Variants in ZNF385B observed in about 807,000 individuals in gnomAD.
ZNF385B encodes the protein zinc finger protein 385B.
In ZNF385B, 23 loss-of-function variants were observed where a neutral mutation model predicts 39.2. That is an observed-to-expected ratio of 0.59 (90% confidence interval 0.42 to 0.83). The LOEUF is 0.83. Ranked by LOEUF, ZNF385B falls within the 40% of genes least tolerant of loss-of-function variation. ZNF385B has a pLI of 0.00. For synonymous variants in ZNF385B, 205 were observed against 222.6 expected, an observed-to-expected ratio of 0.92 and a Z score of 0.70; for missense variants, 552 against 598.9, an observed-to-expected ratio of 0.92 and a Z score of 0.82.
At chr2:179,674,811 C>G (rs1696523508) in intron 3 of ZNF385B, among the ~76,000 whole-genome samples, 1 of 152,214 alleles carries the variant, frequency 6.6e-6, no homozygotes, top group Admixed American at 6.5e-5. Flanking sequence ...AGAGGGAAAA[C>G]TGAATAGAGG....
intron 5 of ZNF385B, among the ~76,000 whole-genome samples, chr2:179,484,987 T>A (rs1208584003): frequency 3.3e-5 from 5 of 151,966 alleles, no homozygotes; most frequent in African/African-American, 1.2e-4. Flanking sequence ...ATCATCAACA[T>A]GAGGTTAAGG....
intron 1 of ZNF385B, among the ~76,000 whole-genome samples, chr2:179,829,665 C>T (rs1388601130): frequency 6.6e-6 from 1 of 152,176 alleles, no homozygotes; most frequent in Non-Finnish European, 1.5e-5. Flanking sequence ...AGGCGCCCGC[C>T]ACCATGCCCG....
At chr2:179,829,587 C>A (rs1164995461) in intron 1 of ZNF385B, among the ~76,000 whole-genome samples, 1 of 152,054 alleles carries the variant, frequency 6.6e-6, no homozygotes, top group Non-Finnish European at 1.5e-5. Flanking sequence ...TATCTCGGCT[C>A]ACTGCAAGCT....
intron 6 of ZNF385B, among the ~76,000 whole-genome samples, chr2:179,459,347 G>T (rs2051042638): frequency 6.6e-6 from 1 of 152,156 alleles, no homozygotes; most frequent in African/African-American, 2.4e-5. Context: ...AGGCATCTGG[G>T]CTTGGTGGAG....
chr2:179,834,305 T>G (rs2106603339), intron 1 of ZNF385B, among the ~76,000 whole-genome samples: 1 of 152,300 alleles, frequency 6.6e-6, no homozygotes, highest in South Asian at 2.1e-4. Context: ...CAGTGATTAC[T>G]GGTCTTGAGC....
intron 1 of ZNF385B, among the ~76,000 whole-genome samples, chr2:179,806,127 C>A (rs1706334580): frequency 6.6e-6 from 1 of 151,950 alleles, no homozygotes; most frequent in African/African-American, 2.4e-5. Flanking sequence ...ATGCCATAAA[C>A]AATGTTAAAA....
At chr2:179,570,464 A>G (rs540772252) in intron 3 of ZNF385B, among the ~76,000 whole-genome samples, 119 of 152,308 alleles carry the variant, frequency 7.8e-4, no homozygotes, top group African/African-American at 2.8e-3. Context: ...TTAATAGTGA[A>G]AAGACTTTGG....
Position 179,446,562 on chromosome 2 carries a change from A to G in ZNF385B, c.924T>C (p.Ala308=), listed in dbSNP as rs1162209420. 3.1e-6 allele frequency: 5 copies of G among 1,614,122 alleles called. No homozygotes were observed. In the Admixed American group the frequency reaches 8.3e-5, roughly 27 times the overall value. The change falls in exon 7 of 10, where the codon GCT becomes GCC. Residue 308 remains alanine, a synonymous_variant. Coordinates refer to ENST00000410066, the MANE Select transcript of ZNF385B (RefSeq NM_152520.6). Reference sequence around the variant, plus strand: ...CCTCTAGCTGTGACAGGGAGTTCACAGCCACTTTGCATAGTGAACAATAAA... The same window carrying G: ...CCTCTAGCTGTGACAGGGAGTTCACGGCCACTTTGCATAGTGAACAATAAA... The part of the protein sequence containing the change: ...KLLYCSLCKV[A]VNSLSQLEAH...
At chr2:179,786,101 T>C (rs1328941229) in intron 1 of ZNF385B, among the ~76,000 whole-genome samples, 1 of 152,174 alleles carries the variant, frequency 6.6e-6, no homozygotes, top group Admixed American at 6.6e-5. Flanking sequence ...AAAAACATTA[T>C]GACTCACTGA....
intron 6 of ZNF385B, among the ~76,000 whole-genome samples, chr2:179,480,169 T>G (rs967673140): frequency 6.6e-6 from 1 of 152,192 alleles, no homozygotes; most frequent in African/African-American, 2.4e-5. Flanking sequence ...AGATACTACT[T>G]AAGCCCACTT....
At chr2:179,794,354 T>C (rs1286189676) in intron 1 of ZNF385B, among the ~76,000 whole-genome samples, 2 of 152,170 alleles carry the variant, frequency 1.3e-5, no homozygotes, top group East Asian at 1.9e-4. Context: ...GTATATATTG[T>C]AGCTAAATTT....
At chr2:179,652,547 TG>T (rs1693288798) in intron 3 of ZNF385B, among the ~76,000 whole-genome samples, 1 of 152,174 alleles carries the variant, frequency 6.6e-6, no homozygotes, top group Non-Finnish European at 1.5e-5. Context: ...TTGGGTGTTA[TG>T]GTTATTACCA....
intron 1 of ZNF385B, among the ~76,000 whole-genome samples, chr2:179,779,291 G>A (rs1704527962): frequency 6.6e-6 from 1 of 152,236 alleles, no homozygotes. Context: ...CACAGGTCCG[G>A]AAGCAAGACG....
chr2:179,670,020 G>A (rs554169420), intron 3 of ZNF385B, among the ~76,000 whole-genome samples: 9 of 152,160 alleles, frequency 5.9e-5, no homozygotes, highest in Admixed American at 2.0e-4. Flanking sequence ...GGCCGGGCGC[G>A]GTGGCTCACG....
At chr2:179,657,850 A>C (rs1355092211) in intron 3 of ZNF385B, among the ~76,000 whole-genome samples, 1 of 152,216 alleles carries the variant, frequency 6.6e-6, no homozygotes, top group East Asian at 1.9e-4. Context: ...ATTTACAAAG[A>C]AAATGAGTGC....
chr2:179,800,224 T>C (rs1705942149), intron 1 of ZNF385B, among the ~76,000 whole-genome samples: 1 of 152,086 alleles, frequency 6.6e-6, no homozygotes, highest in African/African-American at 2.4e-5. Context: ...ATGAAATTAA[T>C]CATTTTTTGA....
At chr2:179,601,189 A>G (rs147471792) in intron 3 of ZNF385B, among the ~76,000 whole-genome samples, 130 of 152,308 alleles carry the variant, frequency 8.5e-4, no homozygotes, top group African/African-American at 2.9e-3. Flanking sequence ...CTAAAGCAAC[A>G]TCTAAAAGCT....
At chr2:179,460,984 A>G (rs922986831) in intron 6 of ZNF385B, among the ~76,000 whole-genome samples, 24 of 152,214 alleles carry the variant, frequency 1.6e-4, no homozygotes, top group Admixed American at 4.6e-4. Flanking sequence ...AGCAAGATGA[A>G]CCTGTTAGGC....
intron 5 of ZNF385B, among the ~76,000 whole-genome samples, chr2:179,502,711 G>A (rs926912746): frequency 7.2e-5 from 11 of 152,230 alleles, no homozygotes; most frequent in African/African-American, 1.4e-4. Context: ...ATAGCAGTAT[G>A]AGAATGGACT....
Sources: allele counts gnomAD v4.1 joint callset (sites outside exome capture counted in the v4.1 genomes callset), GRCh38; gene constraint gnomAD v4.1.1; transcripts MANE v1.5; gene names NCBI Gene and HGNC (gene_info 2026-07-23, HGNC 2026-07-21).